The following PDZD2 variants were observed in gnomAD, a reference collection of about 807,000 sequenced individuals.
The protein encoded by PDZD2 is PDZ domain-containing protein 2.
A neutral mutation model predicts 220.7 loss-of-function variants in PDZD2; 90 were observed. That is an observed-to-expected ratio of 0.41 (90% CI 0.34 to 0.49). The LOEUF (loss-of-function observed/expected upper bound fraction) is 0.49. Among genes scored for constraint, PDZD2 ranks in the 20% least tolerant of loss-of-function variants. The pLI is 0.28. For missense variants in PDZD2, 3,174 were observed against 3,608.5 expected (o/e 0.88, Z 3.08); for synonymous variants, 1,375 against 1,450.5 (o/e 0.95, Z 1.18).
chr5:32,010,658 A>G (rs1166954288), intron 6 of PDZD2, 176 bp downstream of exon 6: 2 of 699,290 alleles, frequency 2.9e-6, no homozygotes, highest in Non-Finnish European at 5.3e-6. Context: ...TGTGAGGGTG[A>G]TATTTTTCCT....
At position 31,891,485 on chromosome 5, in the gene PDZD2, T is replaced by C. The variant is rs185866978; in HGVS notation, c.477-91670T>C. ...CATGTGCCACCACGCCCAGCTAATT[T>C]TGTATTTTTAGTAGAGACGAGGTTT... is the stretch of plus-strand genomic sequence containing the variant. On this transcript the variant is annotated intron_variant, in intron 2 of 24. Transcript: ENST00000438447. 7.2e-5 allele frequency among the ~76,000 whole-genome samples: 11 copies of C among 152,238 alleles called. No individual in the cohort carries two copies. In the East Asian group the frequency reaches 2.1e-3, roughly 29 times the overall value.
intron 1 of PDZD2, among the ~76,000 whole-genome samples, chr5:31,758,693 C>G (rs925083915): frequency 1.3e-5 from 2 of 152,114 alleles, no homozygotes; most frequent in Admixed American, 6.5e-5. Flanking sequence ...TGGAAGAGTC[C>G]TCCTCCCTCC....
chr5:31,721,298 A>T (rs375168677), intron 1 of PDZD2, among the ~76,000 whole-genome samples: 29 of 152,332 alleles, frequency 1.9e-4, no homozygotes, highest in African/African-American at 7.0e-4. Context: ...CCAGAAGAAA[A>T]GATAGATTGG....
rs1744001238 is a variant in PDZD2, at chr5:32,099,009, T to A, written c.8218+375T>A. The stretch of plus-strand genomic sequence containing the variant: ...TGAAGGAGAAATTCCAGAACTAAGA[T>A]TTATCCTTGGGAAACAGCAAGGTTG... On this transcript the variant is annotated intron_variant, in intron 23 of 24. Coordinates refer to ENST00000438447, the MANE Select transcript of PDZD2 (RefSeq NM_178140.4). Among the ~76,000 whole-genome samples, 3 of 152,136 alleles carry A rather than the reference T, an allele frequency of 2.0e-5. No homozygotes were observed. The South Asian group carries it at 6.2e-4, about 32-fold the overall frequency.
intron 19 of PDZD2, among the ~76,000 whole-genome samples, 176 bp from the exon 20 acceptor site, chr5:32,086,955 C>T (rs1488027975): frequency 6.7e-6 from 1 of 150,022 alleles, no homozygotes; most frequent in Non-Finnish European, 1.5e-5. Flanking sequence ...TCCCAAAGTG[C>T]TGGGATTACA....
At chr5:31,778,147 T>C (rs12109256) in intron 1 of PDZD2, among the ~76,000 whole-genome samples, 19,932 of 152,148 alleles carry the variant, frequency 0.13, 1,584 homozygotes, top group African/African-American at 0.22. Context: ...TGGAGGATTG[T>C]AAATACACCA....
chr5:31,678,447 G>T (rs111562491), intron 1 of PDZD2, among the ~76,000 whole-genome samples: 2,215 of 151,898 alleles, frequency 0.015, 59 homozygotes, highest in African/African-American at 0.05. Flanking sequence ...GGGACAGTCA[G>T]TTCTGGTGGG....
At chr5:31,683,671 T>C (rs545115789) in intron 1 of PDZD2, among the ~76,000 whole-genome samples, 39 of 152,306 alleles carry the variant, frequency 2.6e-4, no homozygotes, top group African/African-American at 9.1e-4. Flanking sequence ...CTCTGCAAAG[T>C]AGTCTGTCTT....
intron 2 of PDZD2, among the ~76,000 whole-genome samples, chr5:31,827,992 G>C (rs917444693): frequency 6.6e-6 from 1 of 152,182 alleles, no homozygotes; most frequent in Non-Finnish European, 1.5e-5. Context: ...AAAGTGTAAT[G>C]ACTTCAGTGC....
At chr5:31,865,754 C>A (rs1175667432) in intron 2 of PDZD2, among the ~76,000 whole-genome samples, 1 of 149,290 alleles carries the variant, frequency 6.7e-6, no homozygotes, top group Non-Finnish European at 1.5e-5. Flanking sequence ...GCCTCAGCCT[C>A]CCAAGTAGCT....
intron 1 of PDZD2, among the ~76,000 whole-genome samples, chr5:31,676,697 G>A (rs1348318036): frequency 6.6e-6 from 1 of 151,472 alleles, no homozygotes; most frequent in Non-Finnish European, 1.5e-5. Flanking sequence ...TGGGATTACA[G>A]GCATCCACCA....
chr5:31,792,991 T>C (rs1753809091), intron 1 of PDZD2, among the ~76,000 whole-genome samples: 1 of 151,404 alleles, frequency 6.6e-6, no homozygotes, highest in Non-Finnish European at 1.5e-5. Context: ...GGTGTGCGCC[T>C]CCACAACCAG....
intron 2 of PDZD2, among the ~76,000 whole-genome samples, chr5:31,897,513 C>A (rs769976497): frequency 6.6e-6 from 1 of 152,172 alleles, no homozygotes; most frequent in African/African-American, 2.4e-5. Context: ...GCCGAAGTTG[C>A]ACTTGAGATC....
At chr5:31,913,792 G>A (rs1258064319) in intron 2 of PDZD2, among the ~76,000 whole-genome samples, 1 of 152,166 alleles carries the variant, frequency 6.6e-6, no homozygotes, top group Non-Finnish European at 1.5e-5. Flanking sequence ...AAGTAGAGTC[G>A]TGAAGGATTT....
chr5:31,645,621 C>T (rs1201982394), intron 1 of PDZD2, among the ~76,000 whole-genome samples: 6 of 152,094 alleles, frequency 3.9e-5, no homozygotes, highest in Admixed American at 1.3e-4. Flanking sequence ...AGGCGTGAGC[C>T]GCTGTGCCCG....
intron 2 of PDZD2, among the ~76,000 whole-genome samples, chr5:31,954,547 G>T (rs1182320292): frequency 6.6e-6 from 1 of 152,130 alleles, no homozygotes; most frequent in African/African-American, 2.4e-5. Context: ...TATTGGCTTT[G>T]GAAGAGTCAG....
chr5:31,910,804 A>T (rs1489397211), intron 2 of PDZD2, among the ~76,000 whole-genome samples: 2 of 152,066 alleles, frequency 1.3e-5, no homozygotes, highest in Non-Finnish European at 2.9e-5. Flanking sequence ...TGCCGGGATT[A>T]CAGGCATGAG....
At chr5:31,710,448 A>C (rs748157134) in intron 1 of PDZD2, among the ~76,000 whole-genome samples, 6 of 152,126 alleles carry the variant, frequency 3.9e-5, no homozygotes, top group South Asian at 2.1e-4. Context: ...TTCTATCCAA[A>C]TTCCGGCTCT....
At chr5:31,769,258 T>C (rs926083262) in intron 1 of PDZD2, among the ~76,000 whole-genome samples, 2 of 152,184 alleles carry the variant, frequency 1.3e-5, no homozygotes, top group African/African-American at 4.8e-5. Flanking sequence ...GCAAATGCAG[T>C]TGGATCCCAA....
Sources: allele counts gnomAD v4.1 joint callset (sites outside exome capture counted in the v4.1 genomes callset), GRCh38; gene constraint gnomAD v4.1.1; transcripts MANE v1.5; gene names NCBI Gene and HGNC (gene_info 2026-07-23, HGNC 2026-07-21).